Variants in ANKRD29 observed in about 807,000 individuals in gnomAD.
ANKRD29 encodes ankyrin repeat domain-containing protein 29.
Under a neutral mutation model 38.0 loss-of-function variants are expected in ANKRD29, and 32 were observed. That is an observed-to-expected ratio of 0.84 (90% confidence interval 0.64 to 1.13). The LOEUF is 1.13. Ranked by LOEUF, ANKRD29 falls within the 50% of genes most tolerant of loss-of-function variation. The pLI, the probability that ANKRD29 is intolerant of heterozygous loss-of-function variation, is 0.00. For synonymous variants in ANKRD29, 135 were observed against 152.4 expected, an observed-to-expected ratio of 0.89 and a Z score of 0.84; for missense variants, 357 against 377.9, an observed-to-expected ratio of 0.94 and a Z score of 0.46.
At chr18:23,661,653 G>A (rs938044710) in intron 1 of ANKRD29, among the ~76,000 whole-genome samples, 12 of 152,320 alleles carry the variant, frequency 7.9e-5, no homozygotes, top group Admixed American at 6.5e-4. Flanking sequence ...AAGTTGCAGT[G>A]AGCTGAGATC....
intron 6 of ANKRD29, among the ~76,000 whole-genome samples, chr18:23,626,754 C>T (rs1038981492): frequency 3.3e-4 from 50 of 152,292 alleles, no homozygotes; most frequent in African/African-American, 1.2e-3. Context: ...GAAAAGTCAT[C>T]CCACTACCGT....
At chr18:23,636,008 G>A (rs540910702) in intron 4 of ANKRD29, among the ~76,000 whole-genome samples, 1 of 152,308 alleles carries the variant, frequency 6.6e-6, no homozygotes, top group African/African-American at 2.4e-5. Context: ...GTAACAGCAG[G>A]AATAAGCACC....
rs200638264 is a variant in ANKRD29 at position 23,601,268 on chromosome 18, T to C, written c.864A>G (p.Ile288Met). The part of the protein sequence containing the change: ...LPAELTKNER[I>M]LRLLRSKEGP... Reference sequence around the variant, plus strand: ...CTTCTTTACTTCTCAGGAGACGCAATATACGTTCATTTTTGGTTAGTTCTG... The same window carrying C: ...CTTCTTTACTTCTCAGGAGACGCAACATACGTTCATTTTTGGTTAGTTCTG... Residue 288 changes from isoleucine (I) to methionine (M), a missense_variant, in exon 10 of 10, where the codon ATA (isoleucine) becomes ATG (methionine). Transcript: ENST00000592179. 43 of 1,614,110 alleles carry C rather than the reference T, an allele frequency of 2.7e-5. No individual in the cohort carries two copies. The highest frequency in any genetic ancestry group is 2.3e-4 in the Admixed American group (14 of 60,022).
intron 8 of ANKRD29, among the ~76,000 whole-genome samples, chr18:23,616,593 TAC>T (rs1568013852): frequency 7.1e-6 from 1 of 141,672 alleles, no homozygotes; most frequent in Non-Finnish European, 1.5e-5. Flanking sequence ...TATATATATA[TAC>T]TATATATACT....
intron 1 of ANKRD29, among the ~76,000 whole-genome samples, chr18:23,661,404 G>A (rs192570417): frequency 1.3e-5 from 2 of 152,234 alleles, no homozygotes; most frequent in Non-Finnish European, 1.5e-5. Flanking sequence ...GAATTATGCC[G>A]ATTTAAAACT....
chr18:23,629,606 C>T (rs1255308014), intron 6 of ANKRD29, among the ~76,000 whole-genome samples: 1 of 152,240 alleles, frequency 6.6e-6, no homozygotes, highest in Non-Finnish European at 1.5e-5. Flanking sequence ...TGACCTCAGA[C>T]ATCAAATACT....
intron 9 of ANKRD29, among the ~76,000 whole-genome samples, chr18:23,604,147 T>C (rs1254453407): frequency 1.3e-5 from 2 of 152,108 alleles, no homozygotes; most frequent in Non-Finnish European, 2.9e-5. Flanking sequence ...CAGGCTGCCA[T>C]GTGATTAACC....
At chr18:23,617,209 TC>T (rs1256753400) in intron 8 of ANKRD29, among the ~76,000 whole-genome samples, 1 of 152,018 alleles carries the variant, frequency 6.6e-6, no homozygotes, top group African/African-American at 2.4e-5. Context: ...AAAGGGAGAC[TC>T]CATCTCAAAA....
chr18:23,647,294 A>G (rs1032090308), intron 2 of ANKRD29: 1 of 152,224 alleles, frequency 6.6e-6, no homozygotes, highest in Non-Finnish European at 1.5e-5. Flanking sequence ...ACTGAATGAG[A>G]TAAGTCAGGC....
At chr18:23,659,335 A>C (rs1341060707) in intron 1 of ANKRD29, among the ~76,000 whole-genome samples, 6 of 152,218 alleles carry the variant, frequency 3.9e-5, no homozygotes, top group Non-Finnish European at 7.3e-5. Context: ...CTTTCTGACT[A>C]TTATGAATAC....
chr18:23,611,927 G>C (rs571833456), intron 9 of ANKRD29, among the ~76,000 whole-genome samples, 165 bp downstream of exon 9: 1 of 151,942 alleles, frequency 6.6e-6, no homozygotes, highest in Non-Finnish European at 1.5e-5. Flanking sequence ...GAATTTCCTG[G>C]GTCCAACTGT....
At chr18:23,612,291 A>T in intron 8 of ANKRD29, 101 bp from the exon 9 acceptor site, 1 of 1,045,944 alleles carries the variant, frequency 9.6e-7, no homozygotes, top group Non-Finnish European at 1.4e-6. Context: ...CTGTAACCTC[A>T]TACCCGTAAC....
chr18:23,662,086 C>T (rs1283924056), intron 1 of ANKRD29, among the ~76,000 whole-genome samples: 2 of 151,784 alleles, frequency 1.3e-5, no homozygotes, highest in Non-Finnish European at 2.9e-5. Context: ...GGGTTGAGAC[C>T]ATACACACCA....
At chr18:23,644,962 G>A (rs186934208) in intron 3 of ANKRD29, among the ~76,000 whole-genome samples, 1 of 152,324 alleles carries the variant, frequency 6.6e-6, no homozygotes, top group Admixed American at 6.5e-5. Flanking sequence ...GAGACCTGAT[G>A]TGTCTTAATT....
chr18:23,649,943 T>A (rs1447008812), intron 1 of ANKRD29, among the ~76,000 whole-genome samples: 1 of 152,070 alleles, frequency 6.6e-6, no homozygotes, highest in Non-Finnish European at 1.5e-5. Context: ...TTGGCCAGGA[T>A]GGTCTTGTAC....
intron 6 of ANKRD29, among the ~76,000 whole-genome samples, chr18:23,624,671 T>C (rs2059840276): frequency 6.6e-6 from 1 of 151,958 alleles, no homozygotes; most frequent in African/African-American, 2.4e-5. Context: ...GGTCAATGTA[T>C]AAAAGTTTAA....
At chr18:23,608,938 TA>T (rs2059606425) in intron 9 of ANKRD29, among the ~76,000 whole-genome samples, 1 of 152,118 alleles carries the variant, frequency 6.6e-6, no homozygotes, top group South Asian at 2.1e-4. Flanking sequence ...CTGTTTCTAC[TA>T]AAAGTACAAA....
intron 6 of ANKRD29, among the ~76,000 whole-genome samples, chr18:23,626,031 G>T (rs182160893): frequency 1.3e-3 from 193 of 152,236 alleles, no homozygotes; most frequent in African/African-American, 4.3e-3. Flanking sequence ...ATGTGCAAAC[G>T]AAACAAGACA....
At chr18:23,630,884 T>C (rs2059922510) in intron 5 of ANKRD29, among the ~76,000 whole-genome samples, 1 of 149,840 alleles carries the variant, frequency 6.7e-6, no homozygotes, top group Non-Finnish European at 1.5e-5. Context: ...GGAGGATCAC[T>C]TGAGCCTGGG....
Sources: gnomAD v4.1 joint callset for allele counts (sites outside exome capture counted in the v4.1 genomes callset) on GRCh38, gnomAD v4.1.1 for gene constraint, MANE v1.5 for transcripts, NCBI Gene and HGNC (gene_info 2026-07-23, HGNC 2026-07-21) for gene names.